NXPH1: variants seen among roughly 807,000 people sequenced by gnomAD.
NXPH1 encodes the protein neurexophilin-1.
NXPH1 carries 5 observed loss-of-function variants against 23.7 expected under a neutral mutation model. The ratio of observed to expected loss-of-function variants is 0.21; its 90% CI spans 0.11 to 0.44. The LOEUF is 0.44. NXPH1 is among the 20% of genes least tolerant of loss of function. NXPH1 has a pLI of 0.99. For missense variants in NXPH1, 324 were observed against 321.6 expected (o/e 1.01, Z -0.06); for synonymous variants, 144 against 122.2 (o/e 1.18, Z -1.18).
intron 2 of NXPH1, among the ~76,000 whole-genome samples, chr7:8,682,289 T>C (rs1821067911): frequency 6.6e-6 from 1 of 152,138 alleles, no homozygotes; most frequent in Non-Finnish European, 1.5e-5. Flanking sequence ...TTCTTTGGGA[T>C]CAGATTCCCA....
intron 2 of NXPH1, among the ~76,000 whole-genome samples, chr7:8,515,881 A>G (rs1246960280): frequency 1.3e-5 from 2 of 152,086 alleles, no homozygotes; most frequent in Non-Finnish European, 2.9e-5. Flanking sequence ...CCCATGGGTT[A>G]CTCATTACTC....
intron 2 of NXPH1, among the ~76,000 whole-genome samples, chr7:8,553,878 T>C (rs1465288327): frequency 6.6e-6 from 1 of 151,674 alleles, no homozygotes; most frequent in Non-Finnish European, 1.5e-5. Flanking sequence ...ATCACATAAT[T>C]CTCTAATGAG....
At chr7:8,477,200 G>T (rs1816989231) in intron 2 of NXPH1, among the ~76,000 whole-genome samples, 1 of 152,036 alleles carries the variant, frequency 6.6e-6, no homozygotes, top group African/African-American at 2.4e-5. Context: ...GGATGACCTG[G>T]GACAGCAAAT....
intron 2 of NXPH1, among the ~76,000 whole-genome samples, chr7:8,466,241 G>C (rs1050522384): frequency 6.6e-6 from 1 of 152,164 alleles, no homozygotes; most frequent in African/African-American, 2.4e-5. Flanking sequence ...AATTTGCTTT[G>C]TTAAATCTTG....
At chr7:8,690,926 T>G (rs6947761) in intron 2 of NXPH1, among the ~76,000 whole-genome samples, 25,920 of 152,104 alleles carry the variant, frequency 0.17, 3,957 homozygotes, top group African/African-American at 0.37. Flanking sequence ...GCACTGCTCC[T>G]TTGCCATTCA....
intron 2 of NXPH1, among the ~76,000 whole-genome samples, chr7:8,673,794 A>T (rs1356213430): frequency 1.3e-5 from 2 of 152,130 alleles, no homozygotes; most frequent in East Asian, 3.9e-4. Flanking sequence ...TAGTAGTAGT[A>T]GCTACAGGAA....
At chr7:8,711,051 C>T (rs1050519061) in intron 2 of NXPH1, among the ~76,000 whole-genome samples, 1 of 152,172 alleles carries the variant, frequency 6.6e-6, no homozygotes, top group African/African-American at 2.4e-5. Flanking sequence ...CTATCCTCAG[C>T]AGTTTTAAAT....
intron 2 of NXPH1, among the ~76,000 whole-genome samples, chr7:8,512,578 C>T (rs138763155): frequency 4.6e-5 from 7 of 152,206 alleles, no homozygotes; most frequent in Admixed American, 3.9e-4. Flanking sequence ...AGTGCCCAGT[C>T]TAGTAATTTA....
rs145164456 is a variant in NXPH1 at position 8,702,613 on chromosome 7, T to C, written c.55-48395T>C. ...ATCTATGAGTTTCATTCTTCTATTA[T>C]TTTCCTGGCTCCATTTAGTGTGGAC... On this transcript the variant is annotated intron_variant, in intron 2 of 2. Coordinates refer to ENST00000405863, the MANE Select transcript of NXPH1 (RefSeq NM_152745.3). Among the ~76,000 whole-genome samples the C allele has an allele frequency of 1.7e-4, 26 of 152,246 alleles. No homozygotes were observed. The East Asian group carries it at 3.7e-3, about 21-fold the overall frequency.
intron 2 of NXPH1, among the ~76,000 whole-genome samples, chr7:8,689,665 C>G (rs1168663948): frequency 6.6e-6 from 1 of 152,140 alleles, no homozygotes; most frequent in African/African-American, 2.4e-5. Flanking sequence ...TTGATTCCCA[C>G]TCTCCCATTT....
chr7:8,629,152 G>T (rs1451667921), intron 2 of NXPH1, among the ~76,000 whole-genome samples: 1 of 151,956 alleles, frequency 6.6e-6, no homozygotes, highest in East Asian at 1.9e-4. Context: ...TACCCCCATT[G>T]TTATAAAATT....
chr7:8,684,020 G>A (rs926988231), intron 2 of NXPH1, among the ~76,000 whole-genome samples: 3 of 152,128 alleles, frequency 2.0e-5, no homozygotes, highest in African/African-American at 4.8e-5. Context: ...ATTTGGTGGG[G>A]CACAGCACTT....
rs77212284 is a variant in NXPH1, at chr7:8,553,083, G to A, written c.54+117316G>A. ...TCCCTTTTATAAAACTTGACTAGAG[G>A]CAAAGAGAGAATGAAAAGCAGTTTT... On this transcript the variant is annotated intron_variant, in intron 2 of 2. Coordinates refer to ENST00000405863, the MANE Select transcript of NXPH1 (RefSeq NM_152745.3). Among the ~76,000 whole-genome samples the A allele has an allele frequency of 3.1e-3, 472 of 151,566 alleles. 3 individuals carry two copies. Among genetic ancestry groups the A allele is most frequent in the African/African-American group, 0.011 (446 of 41,476 alleles).
chr7:8,464,394 A>G (rs888047990), intron 2 of NXPH1, among the ~76,000 whole-genome samples: 18 of 152,306 alleles, frequency 1.2e-4, no homozygotes, highest in Non-Finnish European at 2.2e-4. Context: ...TGCTGCTCAT[A>G]GGTTAAAGTC....
chr7:8,516,450 AT>A (rs1245548086), intron 2 of NXPH1, among the ~76,000 whole-genome samples: 1 of 152,162 alleles, frequency 6.6e-6, no homozygotes, highest in Non-Finnish European at 1.5e-5. Context: ...TCAAATGATG[AT>A]TTAATACTGT....
intron 2 of NXPH1, among the ~76,000 whole-genome samples, chr7:8,684,101 C>T (rs1289881111): frequency 6.6e-6 from 1 of 152,026 alleles, no homozygotes; most frequent in Non-Finnish European, 1.5e-5. Context: ...ATGTATAGGA[C>T]ATAAGAAGAA....
At chr7:8,454,787 G>A (rs552667115) in intron 2 of NXPH1, among the ~76,000 whole-genome samples, 1 of 152,140 alleles carries the variant, frequency 6.6e-6, no homozygotes, top group East Asian at 1.9e-4. Flanking sequence ...TAGAGTCCAC[G>A]TACCTATTGG....
At chr7:8,475,692 AT>A (rs772832101) in intron 2 of NXPH1, among the ~76,000 whole-genome samples, 3 of 152,052 alleles carry the variant, frequency 2.0e-5, no homozygotes, top group Non-Finnish European at 4.4e-5. Context: ...CAGGATATTA[AT>A]GCTAGTGTTT....
At chr7:8,644,511 G>T (rs940826494) in intron 2 of NXPH1, among the ~76,000 whole-genome samples, 1 of 151,858 alleles carries the variant, frequency 6.6e-6, no homozygotes, top group Admixed American at 6.6e-5. Flanking sequence ...CTGTATTTCT[G>T]GTTTGTTGAT....
Sources: allele counts gnomAD v4.1 joint callset (sites outside exome capture counted in the v4.1 genomes callset), GRCh38; gene constraint gnomAD v4.1.1; transcripts MANE v1.5; gene names NCBI Gene and HGNC (gene_info 2026-07-23, HGNC 2026-07-21).